The following RBFOX3 variants were observed in gnomAD, a reference collection of about 807,000 sequenced individuals.
The protein encoded by RBFOX3 is RNA binding fox-1 homolog 3, also known as RNA binding protein fox-1 homolog 3.
RBFOX3 carries 17 observed loss-of-function variants against 48.7 expected under a neutral mutation model. The observed-to-expected ratio is 0.35, with a 90% CI of 0.24 to 0.52. RBFOX3 has a LOEUF of 0.52. RBFOX3 is among the 20% of genes least tolerant of loss of function. The pLI is 0.94. For synonymous variants in RBFOX3, 212 were observed against 209.5 expected, an observed-to-expected ratio of 1.01 and a Z score of -0.10; for missense variants, 382 against 497.5, an observed-to-expected ratio of 0.77 and a Z score of 2.21.
rs60345819 is a variant in RBFOX3 at position 79,487,913 on chromosome 17, G to GAAAAAAAA, written c.-319-5323_-319-5316dup. ...GGTGACAGAGCAAGACCCCATCTCA[G>GAAAAAAAA]AAAAAAAAAAAAAAAAATTCCTGGG... is the stretch of plus-strand genomic sequence containing the variant. On this transcript the variant is annotated intron_variant, in intron 1 of 14. Transcript: ENST00000693108. Among the ~76,000 whole-genome samples, 720 of 76,858 alleles carry GAAAAAAAA rather than the reference G, an allele frequency of 9.4e-3. 50 individuals carry two copies. Among genetic ancestry groups the GAAAAAAAA allele is most frequent in the African/African-American group, 0.029 (655 of 22,402 alleles). The allele number at this position is 76,858 out of a possible 152,430, so 50.4% of individuals were successfully genotyped here.
At chr17:79,125,623 C>G (rs1568178780) in intron 4 of RBFOX3, among the ~76,000 whole-genome samples, 1 of 152,246 alleles carries the variant, frequency 6.6e-6, no homozygotes, top group African/African-American at 2.4e-5. Flanking sequence ...TCCCGCACGG[C>G]CTGGCCGCCT....
chr17:79,178,525 C>A (rs1388622969), intron 4 of RBFOX3, among the ~76,000 whole-genome samples: 1 of 152,206 alleles, frequency 6.6e-6, no homozygotes, highest in Non-Finnish European at 1.5e-5. Flanking sequence ...TGCTTCTCAG[C>A]AGCTTCCCGA....
At chr17:79,374,689 C>G (rs915671743) in intron 2 of RBFOX3, among the ~76,000 whole-genome samples, 3 of 152,348 alleles carry the variant, frequency 2.0e-5, no homozygotes, top group Admixed American at 2.0e-4. Context: ...TGTTTTCACA[C>G]GTGTAGGTGT....
chr17:79,094,956 A>G (rs190769070), intron 13 of RBFOX3, among the ~76,000 whole-genome samples: 103 of 152,208 alleles, frequency 6.8e-4, no homozygotes, highest in African/African-American at 2.3e-3. Context: ...CAAGAATGTG[A>G]CACTTGTGTC....
intron 9 of RBFOX3, chr17:79,100,453 A>ACCT (rs1479963257): frequency 1.3e-5 from 2 of 152,198 alleles, no homozygotes; most frequent in Non-Finnish European, 2.9e-5. Context: ...ATCAAGTCTA[A>ACCT]CTTGGGCCAG....
intron 1 of RBFOX3, among the ~76,000 whole-genome samples, chr17:79,573,012 C>T (rs2092732278): frequency 6.6e-6 from 1 of 152,198 alleles, no homozygotes; most frequent in African/African-American, 2.4e-5. Flanking sequence ...TCATACTAAG[C>T]AATTATTGTG....
chr17:79,115,757 GGAGA>G lies in RBFOX3; in HGVS notation c.-33-13_-33-10del, dbSNP rs2033752329. On this transcript the variant is annotated splice_polypyrimidine_tract_variant and intron_variant, in intron 4 of 14. Transcript: ENST00000693108. ...GTGGCGTCCTGATCGCTCTGTGGAA[GGAGA>G]GAGAGCAAGGCCTGGTTAGAATCTT... is the stretch of plus-strand genomic sequence containing the variant. 2 of 685,628 alleles carry G rather than the reference GGAGA, an allele frequency of 2.9e-6. No individual in the cohort carries two copies. The highest frequency in any genetic ancestry group is 1.6e-5 in the South Asian group (1 of 62,644). The allele number at this position is 685,628 out of a possible 1,614,324, so 42.5% of individuals were successfully genotyped here. A position where few individuals can be genotyped will look rare whatever the true frequency, so the allele number is the denominator to read the frequency against.
intron 1 of RBFOX3, among the ~76,000 whole-genome samples, chr17:79,607,347 GAAAT>G (rs1368679724): frequency 3.3e-5 from 5 of 152,122 alleles, no homozygotes; most frequent in African/African-American, 9.7e-5. Flanking sequence ...CAGGAGCGTG[GAAAT>G]AAATAAACAC....
intron 4 of RBFOX3, among the ~76,000 whole-genome samples, chr17:79,171,987 A>C (rs2049402037): frequency 6.6e-6 from 1 of 152,084 alleles, no homozygotes; most frequent in African/African-American, 2.4e-5. Context: ...CAGCCTGGCC[A>C]ACATGGTGAA....
chr17:79,571,676 A>C (rs969033891), intron 1 of RBFOX3, among the ~76,000 whole-genome samples: 5 of 152,222 alleles, frequency 3.3e-5, no homozygotes, highest in Admixed American at 2.6e-4. Flanking sequence ...ATCTCACGTT[A>C]TCTTGCTGCA....
At chr17:79,357,084 C>T (rs1376169339) in intron 2 of RBFOX3, among the ~76,000 whole-genome samples, 3 of 152,214 alleles carry the variant, frequency 2.0e-5, no homozygotes, top group Non-Finnish European at 2.9e-5. Context: ...CCTAGCCCCA[C>T]GGGGGCCCCA....
chr17:79,334,063 A>C (rs1178484817), intron 2 of RBFOX3, among the ~76,000 whole-genome samples: 2 of 150,010 alleles, frequency 1.3e-5, no homozygotes, highest in Non-Finnish European at 3.0e-5. Flanking sequence ...GTCCTGCCCC[A>C]TTTCTTGTTT....
chr17:79,140,257 C>G (rs1214145373), intron 4 of RBFOX3, among the ~76,000 whole-genome samples: 2 of 152,226 alleles, frequency 1.3e-5, no homozygotes, highest in Non-Finnish European at 2.9e-5. Flanking sequence ...ATGGGCAAGT[C>G]ACGCAGCTCA....
At chr17:79,463,503 T>C (rs1458646556) in intron 2 of RBFOX3, among the ~76,000 whole-genome samples, 13 of 20,684 alleles carry the variant, frequency 6.3e-4, no homozygotes, top group Admixed American at 1.7e-3. Flanking sequence ...GCCACTGCCA[T>C]CGCCACTGCC....
intron 1 of RBFOX3, among the ~76,000 whole-genome samples, chr17:79,512,389 C>G (rs868936674): frequency 8.3e-6 from 1 of 120,290 alleles, no homozygotes; most frequent in Non-Finnish European, 1.7e-5. Flanking sequence ...ATGTTACCAT[C>G]GGGTACAGCC....
chr17:79,560,702 G>A (rs920964065), intron 1 of RBFOX3, among the ~76,000 whole-genome samples: 41 of 152,226 alleles, frequency 2.7e-4, no homozygotes, highest in African/African-American at 8.2e-4. Context: ...GTGGCGGGAA[G>A]CCGTTCAGTC....
chr17:79,244,101 C>T lies in RBFOX3; in HGVS notation c.-73-8296G>A, dbSNP rs76234970. The stretch of plus-strand genomic sequence containing the variant: ...CCCAGAGTCCATGTCCATCCGGAAC[C>T]TTATTTGGAAACAGGTTCTTTGCAA... On this transcript the variant is annotated intron_variant, in intron 3 of 14. Coordinates refer to ENST00000693108, the MANE Select transcript of RBFOX3 (RefSeq NM_001350451.2). Among the ~76,000 whole-genome samples, 1,258 of 152,268 alleles carry T rather than the reference C, an allele frequency of 8.3e-3. 17 individuals are homozygous for T. Among genetic ancestry groups the T allele is most frequent in the African/African-American group, 0.029 (1,185 of 41,546 alleles).
intron 2 of RBFOX3, among the ~76,000 whole-genome samples, chr17:79,410,611 G>A (rs146509282): frequency 8.5e-5 from 13 of 152,314 alleles, no homozygotes; most frequent in African/African-American, 2.2e-4. Flanking sequence ...CACTGGTGGC[G>A]TGAAAGTGGA....
At chr17:79,417,729 CCAAGAGAACTGAG>C (rs2065619815) in intron 2 of RBFOX3, among the ~76,000 whole-genome samples, 1 of 152,192 alleles carries the variant, frequency 6.6e-6, no homozygotes, top group South Asian at 2.1e-4. Context: ...GGGTACAGCC[CCAAGAGAACTGAG>C]AGCCGCAACT....
Sources: gnomAD v4.1 joint callset for allele counts (sites outside exome capture counted in the v4.1 genomes callset) on GRCh38, gnomAD v4.1.1 for gene constraint, MANE v1.5 for transcripts, NCBI Gene and HGNC (gene_info 2026-07-23, HGNC 2026-07-21) for gene names.